The following STARD13 variants were observed in gnomAD, a reference collection of about 807,000 sequenced individuals.
The protein encoded by STARD13 is stAR-related lipid transfer protein 13.
A neutral mutation model predicts 106.4 loss-of-function variants in STARD13; 62 were observed. The observed-to-expected ratio is 0.58, with a 90% CI of 0.48 to 0.72. The LOEUF (loss-of-function observed/expected upper bound fraction) is 0.72. STARD13 is among the 30% of genes least tolerant of loss of function. The probability of loss-of-function intolerance (pLI) is 0.00; values close to 1 mark genes in which losing one functional copy is unlikely to be tolerated. For synonymous variants in STARD13, 565 were observed against 553.0 expected, an observed-to-expected ratio of 1.02 and a Z score of -0.31; for missense variants, 1,387 against 1,424.0, an observed-to-expected ratio of 0.97 and a Z score of 0.42.
chr13:33,350,607 C>T (rs779482938), exon 1 of STARD13: 33 of 1,381,988 alleles, frequency 2.4e-5, no homozygotes, highest in South Asian at 1.8e-4. Flanking sequence ...TGCCTGGCCA[C>T]CAGAAACGCC....
chr13:33,551,626 TCTCA>T, the STARD13 span, among the ~76,000 whole-genome samples: 1 of 120,340 alleles, frequency 8.3e-6, no homozygotes, highest in Non-Finnish European at 1.6e-5. Context: ...TGAGTTGGAG[TCTCA>T]CTCTGTCAGC....
the STARD13 span, among the ~76,000 whole-genome samples, chr13:33,474,528 A>C: frequency 1.3e-5 from 2 of 152,248 alleles, no homozygotes; most frequent in African/African-American, 2.4e-5. Context: ...AAATGAAAGA[A>C]TGCTTGTACA....
the STARD13 span, among the ~76,000 whole-genome samples, chr13:33,521,787 T>C: frequency 1.3e-5 from 2 of 152,122 alleles, no homozygotes; most frequent in Non-Finnish European, 2.9e-5. Flanking sequence ...GTCCCTATCA[T>C]GAATGAGCTA....
intron 7 of STARD13, among the ~76,000 whole-genome samples, chr13:33,119,057 A>T (rs1875843549): frequency 6.6e-6 from 1 of 152,046 alleles, no homozygotes; most frequent in South Asian, 2.1e-4. Context: ...GGCATCAAGG[A>T]CAGAGTGGCC....
chr13:33,661,556 CG>C, the STARD13 span, among the ~76,000 whole-genome samples: 1 of 152,108 alleles, frequency 6.6e-6, no homozygotes, highest in Non-Finnish European at 1.5e-5. Context: ...TCCGCATGGC[CG>C]GGGAGGCCTC....
chr13:33,350,697 T>C, upstream of STARD13: 5 of 1,126,078 alleles, frequency 4.4e-6, no homozygotes, highest in South Asian at 1.5e-4. Context: ...CTCCCCTCCG[T>C]TGGGCGCTCC....
At chr13:33,283,114 A>G (rs964418089) in intron 1 of STARD13, among the ~76,000 whole-genome samples, 1 of 152,200 alleles carries the variant, frequency 6.6e-6, no homozygotes. Flanking sequence ...AGAATAAAAC[A>G]TGTAGCACTT....
the STARD13 span, among the ~76,000 whole-genome samples, chr13:33,401,172 T>C: frequency 6.6e-6 from 1 of 152,212 alleles, no homozygotes; most frequent in Non-Finnish European, 1.5e-5. Flanking sequence ...AAACCAGAAA[T>C]CCTAAAACAG....
At chr13:33,574,625 C>T in the STARD13 span, among the ~76,000 whole-genome samples, 62 of 152,066 alleles carry the variant, frequency 4.1e-4, no homozygotes, top group African/African-American at 1.4e-3. Flanking sequence ...TCCTGTAGTC[C>T]CAGCTACTTG....
chr13:33,217,945 G>A (rs1195577616), intron 1 of STARD13, among the ~76,000 whole-genome samples: 3 of 151,532 alleles, frequency 2.0e-5, no homozygotes. Context: ...CATTTACTGA[G>A]TGTCTACTTC....
At chr13:33,229,655 G>A (rs994514117) in intron 1 of STARD13, among the ~76,000 whole-genome samples, 2 of 152,194 alleles carry the variant, frequency 1.3e-5, no homozygotes, top group African/African-American at 4.8e-5. Flanking sequence ...TACAGAAATG[G>A]CCTGTTTTTC....
intron 9 of STARD13, 63 bp downstream of exon 9, chr13:33,112,658 G>T: frequency 7.7e-7 from 1 of 1,297,718 alleles, no homozygotes; most frequent in Non-Finnish European, 1.1e-6. Context: ...CATCCATCCA[G>T]TCTTATGAAC....
Position 33,127,378 on chromosome 13 carries a change from C to A in STARD13, c.1917G>T (p.Trp639Cys), listed in dbSNP as rs758430755. 5 of 1,596,466 alleles carry A rather than the reference C, an allele frequency of 3.1e-6. No homozygotes were observed. The South Asian group carries it at 4.4e-5, about 14-fold the overall frequency. Residue 639 changes from tryptophan (W) to cysteine (C), a missense_variant, in exon 6 of 14, where the codon TGG becomes TGT. Trp to Cys is a radical substitution (Grantham distance 215). Transcript: ENST00000336934. Reference sequence around the variant, plus strand: ...TAGGTGAATGTGCTACGCACCATGTCCAGCCGTGCTTGTTGGACATGGAGT... The same window carrying A: ...TAGGTGAATGTGCTACGCACCATGTACAGCCGTGCTTGTTGGACATGGAGT... The part of the protein sequence containing the change: ...EKHSMSNKHG[W>C]TWSVPKFMKR...
chr13:33,329,796 C>T (rs952860885), intron 1 of STARD13, among the ~76,000 whole-genome samples: 7 of 151,588 alleles, frequency 4.6e-5, no homozygotes, highest in South Asian at 4.2e-4. Flanking sequence ...CTCCACCTCC[C>T]GGGTCCCAGT....
chr13:33,107,493 A>G (rs1873933895), intron 12 of STARD13, among the ~76,000 whole-genome samples: 1 of 152,198 alleles, frequency 6.6e-6, no homozygotes, highest in Non-Finnish European at 1.5e-5. Flanking sequence ...GGAGGAGGGC[A>G]TGCTCAAAGA....
chr13:33,337,578 CAATAA>C (rs2077910897), intron 1 of STARD13, among the ~76,000 whole-genome samples: 1 of 152,152 alleles, frequency 6.6e-6, no homozygotes, highest in East Asian at 1.9e-4. Flanking sequence ...AATCAATAAA[CAATAA>C]AATAAAATAA....
rs948473534 is a variant in STARD13, at chr13:33,267,223, G to T, written c.169+18247C>A. 3.9e-5 allele frequency among the ~76,000 whole-genome samples: 6 copies of T among 152,156 alleles called. No individual in the cohort carries two copies. In the South Asian group the frequency reaches 1.2e-3, roughly 32 times the overall value. On this transcript the variant is annotated intron_variant, in intron 1 of 13. Coordinates refer to ENST00000336934, the MANE Select transcript of STARD13 (RefSeq NM_178006.4). ...CAGACTGGACCACCTATTCAAATTT[G>T]AAGGAAGACACATAAAAGGGCAAAA...
chr13:33,415,165 G>GA, the STARD13 span, among the ~76,000 whole-genome samples: 2 of 152,114 alleles, frequency 1.3e-5, no homozygotes, highest in Admixed American at 6.5e-5. Flanking sequence ...TCAGGAGATC[G>GA]AGACCATCCT....
the STARD13 span, among the ~76,000 whole-genome samples, chr13:33,491,341 A>T: frequency 6.6e-6 from 1 of 152,342 alleles, no homozygotes; most frequent in South Asian, 2.1e-4. Flanking sequence ...TGATGATTTG[A>T]TTGTCTAAGA....
Sources: gnomAD v4.1 joint callset for allele counts (sites outside exome capture counted in the v4.1 genomes callset) on GRCh38, gnomAD v4.1.1 for gene constraint, MANE v1.5 for transcripts, NCBI Gene and HGNC (gene_info 2026-07-23, HGNC 2026-07-21) for gene names.